DGKB: variants seen among roughly 807,000 people sequenced by gnomAD.
DGKB encodes 90 kDa diacylglycerol kinase.
DGKB carries 67 observed loss-of-function variants against 114.3 expected under a neutral mutation model. The observed-to-expected ratio is 0.59, with a 90% CI of 0.48 to 0.72. DGKB has a LOEUF of 0.72. Ranked by LOEUF, DGKB falls within the 30% of genes least tolerant of loss-of-function variation. The probability of loss-of-function intolerance (pLI) is 0.00; values close to 1 mark genes in which losing one functional copy is unlikely to be tolerated. For synonymous variants in DGKB, 398 were observed against 323.1 expected (o/e 1.23, Z -2.49); for missense variants, 907 against 975.2 (o/e 0.93, Z 0.93).
intron 1 of DGKB, among the ~76,000 whole-genome samples, chr7:14,882,382 T>C (rs10276674): frequency 0.23 from 35,318 of 151,894 alleles, 4,700 homozygotes; most frequent in East Asian, 0.45. Flanking sequence ...GGTAGGATTA[T>C]AGATTAGTAG....
rs142164362 is a variant in DGKB, at chr7:14,846,884, A to C, written c.-187-5434T>G. On this transcript the variant is annotated intron_variant, in intron 1 of 25. Transcript: ENST00000402815. Reference sequence around the variant, plus strand: ...CCATTCGGCAATATCTAGATGAGTCAATCTATTGGGTTGGACGCATCATCT... The same window carrying C: ...CCATTCGGCAATATCTAGATGAGTCCATCTATTGGGTTGGACGCATCATCT... Among the ~76,000 whole-genome samples the C allele has an allele frequency of 2.2e-3, 335 of 152,354 alleles. 2 individuals carry two copies. Among genetic ancestry groups the C allele is most frequent in the African/African-American group, 7.7e-3 (322 of 41,586 alleles).
At chr7:14,265,140 A>AT (rs35138234) in intron 23 of DGKB, among the ~76,000 whole-genome samples, 4,204 of 142,654 alleles carry the variant, frequency 0.029, 157 homozygotes, top group Admixed American at 0.11. Flanking sequence ...TCCGGAGATC[A>AT]TTTTTTTTTT....
At chr7:14,489,994 G>C (rs1784385362) in intron 20 of DGKB, among the ~76,000 whole-genome samples, 1 of 152,122 alleles carries the variant, frequency 6.6e-6, no homozygotes, top group African/African-American at 2.4e-5. Flanking sequence ...GCAAAAGTCT[G>C]AAAGTAAGGT....
At chr7:14,934,171 TA>T (rs1215888057) in intron 1 of DGKB, among the ~76,000 whole-genome samples, 1 of 152,176 alleles carries the variant, frequency 6.6e-6, no homozygotes, top group Non-Finnish European at 1.5e-5. Flanking sequence ...ACCTCGTGAA[TA>T]ATTTCACCTT....
At chr7:14,229,608 G>T (rs537939560) in intron 23 of DGKB, among the ~76,000 whole-genome samples, 1 of 152,004 alleles carries the variant, frequency 6.6e-6, no homozygotes, top group African/African-American at 2.4e-5. Flanking sequence ...TTGTTTCTAT[G>T]AAATTTATAC....
In DGKB at chr7:14,819,998, G is replaced by A. The variant is rs1241692802; in HGVS notation, c.70+21196C>T. 2.6e-5 allele frequency among the ~76,000 whole-genome samples: 4 copies of A among 151,996 alleles called. No individual in the cohort carries two copies. In the East Asian group the frequency reaches 5.8e-4, roughly 22 times the overall value. ...AACACACAATCCATATTGTGTTTTGGGTTCTTTTAGGGAGAGAGATTTTTG... is the reference window on the plus strand; with the variant it reads ...AACACACAATCCATATTGTGTTTTGAGTTCTTTTAGGGAGAGAGATTTTTG... On this transcript the variant is annotated intron_variant, in intron 2 of 25. Transcript: ENST00000402815.
At chr7:14,685,886 T>C (rs1040932270) in intron 9 of DGKB, among the ~76,000 whole-genome samples, 10 of 152,166 alleles carry the variant, frequency 6.6e-5, no homozygotes, top group African/African-American at 2.4e-4. Flanking sequence ...AAAAGGTAAG[T>C]TATTGGTGAC....
intron 23 of DGKB, among the ~76,000 whole-genome samples, chr7:14,245,398 G>C (rs1338455355): frequency 3.9e-5 from 6 of 152,048 alleles, no homozygotes; most frequent in Admixed American, 3.9e-4. Context: ...ATTGGGAAAA[G>C]TACTCAAAAA....
At chr7:14,206,622 T>A (rs1037425660) in intron 23 of DGKB, among the ~76,000 whole-genome samples, 4 of 152,022 alleles carry the variant, frequency 2.6e-5, no homozygotes, top group African/African-American at 9.7e-5. Context: ...TTTTTTACAG[T>A]AAACAACATA....
chr7:14,797,773 T>C (rs137862622), intron 2 of DGKB, among the ~76,000 whole-genome samples: 2 of 152,170 alleles, frequency 1.3e-5, no homozygotes, highest in East Asian at 3.9e-4. Context: ...TTCTCTCCCA[T>C]TGTTTGGTGA....
intron 1 of DGKB, among the ~76,000 whole-genome samples, chr7:14,933,940 C>T (rs1396314279): frequency 6.6e-6 from 1 of 152,150 alleles, no homozygotes; most frequent in East Asian, 1.9e-4. Context: ...GTGCTCCTGA[C>T]TATATATCCC....
intron 7 of DGKB, 91 bp downstream of exon 7, chr7:14,701,590 C>T: frequency 2.3e-6 from 2 of 886,626 alleles, no homozygotes; most frequent in East Asian, 2.4e-5. Flanking sequence ...ATTAAGTGTG[C>T]CTTCTGTGGT....
chr7:14,197,351 C>T lies in DGKB; in HGVS notation c.2123-19200G>A, dbSNP rs541339510. ...TCTTGCAGCCCTTCATACAACAGAA[C>T]AAAAGCAGTTCTATGAAAGAAGACT... On this transcript the variant is annotated intron_variant, in intron 23 of 25. Coordinates refer to ENST00000402815, the MANE Select transcript of DGKB (RefSeq NM_001350709.2). Among the ~76,000 whole-genome samples, 3 of 151,178 alleles carry T rather than the reference C, an allele frequency of 2.0e-5. No homozygotes were observed. The South Asian group carries it at 6.3e-4, about 32-fold the overall frequency.
At chr7:14,620,857 G>C (rs975732365) in intron 15 of DGKB, among the ~76,000 whole-genome samples, 1 of 151,360 alleles carries the variant, frequency 6.6e-6, no homozygotes, top group Non-Finnish European at 1.5e-5. Context: ...ATATATTTGA[G>C]GTTTAAATTT....
In DGKB at chr7:14,965,360, G is replaced by T. The variant is rs28681483; in HGVS notation, c.-188+9336C>A. On this transcript the variant is annotated intron_variant, in intron 1 of 4. Coordinates refer to the DGKB transcript ENST00000437998. ...TGGAACTAATATGCAAGTACGAGGA[G>T]GGGAATAGTTTTTAATACCCCAAGT... is the stretch of plus-strand genomic sequence containing the variant. 2.1e-3 allele frequency among the ~76,000 whole-genome samples: 317 copies of T among 152,120 alleles called. 2 individuals carry two copies. The highest frequency in any genetic ancestry group is 7.4e-3 in the African/African-American group (307 of 41,502).
At chr7:14,782,997 A>G (rs1002930808) in intron 2 of DGKB, among the ~76,000 whole-genome samples, 15 of 152,118 alleles carry the variant, frequency 9.9e-5, no homozygotes, top group African/African-American at 3.4e-4. Flanking sequence ...TCTGGCTCAC[A>G]TATCTGGCTA....
chr7:14,696,569 C>A (rs1195683704), intron 8 of DGKB, among the ~76,000 whole-genome samples: 1 of 146,216 alleles, frequency 6.8e-6, no homozygotes, highest in Non-Finnish European at 1.5e-5. Context: ...CCCTCCCACT[C>A]TCCATCTAAT....
chr7:14,644,002 T>C (rs763371357), intron 13 of DGKB, among the ~76,000 whole-genome samples: 39 of 151,872 alleles, frequency 2.6e-4, no homozygotes, highest in Admixed American at 2.1e-3. Context: ...TCCCCCAGGA[T>C]CCTGAAGACT....
intron 20 of DGKB, among the ~76,000 whole-genome samples, chr7:14,568,586 A>G (rs1366464583): frequency 6.6e-6 from 1 of 152,192 alleles, no homozygotes; most frequent in East Asian, 1.9e-4. Context: ...GATTGACAAC[A>G]TAGAGCAGAG....
Sources: allele counts gnomAD v4.1 joint callset (sites outside exome capture counted in the v4.1 genomes callset), GRCh38; gene constraint gnomAD v4.1.1; transcripts MANE v1.5; gene names NCBI Gene and HGNC (gene_info 2026-07-23, HGNC 2026-07-21).